The following ZNF76 variants were observed in gnomAD, a reference collection of about 807,000 sequenced individuals.
The protein encoded by ZNF76 is zinc finger protein 523.
A neutral mutation model predicts 66.9 loss-of-function variants in ZNF76; 66 were observed. The observed-to-expected ratio is 0.99, with a 90% CI of 0.81 to 1.21. The LOEUF (loss-of-function observed/expected upper bound fraction) is 1.21, where lower values mean the gene tolerates loss of function less well. ZNF76 is among the 50% of genes most tolerant of loss of function. The pLI is 0.00. For synonymous variants in ZNF76, 275 were observed against 296.1 expected (o/e 0.93, Z 0.73); for missense variants, 729 against 760.3 (o/e 0.96, Z 0.48).
In ZNF76 at chr6:35,292,419, A is replaced by G. The variant is rs1432602442; in HGVS notation, c.932-135A>G. 1.3e-5 allele frequency: 11 copies of G among 850,740 alleles called. No homozygotes were observed. Among genetic ancestry groups the G allele is most frequent in the South Asian group, 1.6e-5 (1 of 61,868 alleles). 52.7% of individuals were successfully genotyped at this position (850,740 alleles called of 1,614,324 possible). On this transcript the variant is annotated intron_variant, in intron 9 of 13. Coordinates refer to ENST00000373953, the MANE Select transcript of ZNF76 (RefSeq NM_003427.5). The surrounding 1 kb of genome is among the most constrained non-coding windows in gnomAD (Gnocchi z 4.7). Reference sequence around the variant, plus strand: ...CTGGCCATCTTCCCCAACCCTGTCCATTCAGAGTCTCAGGTCTCAGTCCCT... The same window carrying G: ...CTGGCCATCTTCCCCAACCCTGTCCGTTCAGAGTCTCAGGTCTCAGTCCCT...
At chr6:35,260,111 C>T (rs556279094) in intron 1 of ZNF76, among the ~76,000 whole-genome samples, 52 of 152,220 alleles carry the variant, frequency 3.4e-4, no homozygotes, top group Non-Finnish European at 6.3e-4. Context: ...ACCCACTGAC[C>T]CCAAGACCTC....
chr6:35,266,893 C>T (rs1371520460), intron 1 of ZNF76, among the ~76,000 whole-genome samples: 54 of 149,146 alleles, frequency 3.6e-4, no homozygotes, highest in Middle Eastern at 3.5e-3. Flanking sequence ...CTCTGCCTCC[C>T]GGGTTCACGC....
chr6:35,281,096 T>A lies in ZNF76; in HGVS notation c.-56T>A. The A allele has an allele frequency of 6.5e-7, 1 of 1,549,644 alleles. No individual in the cohort carries two copies. Among genetic ancestry groups the A allele is most frequent in the African/African-American group, 1.4e-5 (1 of 73,690 alleles). ...GGAAATCTCTGACCTCAGCTGTGGC[T>A]CTTGGTGCTGGCCAGAAGCCAACTT... On this transcript the variant is annotated 5_prime_UTR_variant, in exon 2 of 14. Transcript: ENST00000373953.
intron 1 of ZNF76, among the ~76,000 whole-genome samples, chr6:35,270,849 G>A (rs6941471): frequency 0.68 from 102,578 of 151,858 alleles, 37,795 homozygotes; most frequent in Non-Finnish European, 0.82. Context: ...GAGCCACTGC[G>A]CCCAGCCCAC....
In ZNF76 at chr6:35,286,385, A is replaced by G; in HGVS notation, c.218A>G (p.His73Arg). 2 of 1,614,118 alleles carry G rather than the reference A, an allele frequency of 1.2e-6. No individual in the cohort carries two copies. The highest frequency in any genetic ancestry group is 1.7e-6 in the Non-Finnish European group (2 of 1,180,034). Residue 73 changes from histidine (H) to arginine (R), a missense_variant, in exon 4 of 14, where the codon CAC (histidine) becomes CGC (arginine). By Grantham distance (29) the His-to-Arg change is conservative. Coordinates refer to ENST00000373953, the MANE Select transcript of ZNF76 (RefSeq NM_003427.5). ...QLEDGSMAYI[H>R]RTPREGYDPS... ...GAAGATGGCAGCATGGCTTACATAC[A>G]CCGCACACCCAGAGGTAGGGTCACC...
chr6:35,264,798 C>G (rs890755786), intron 1 of ZNF76, among the ~76,000 whole-genome samples: 1 of 152,076 alleles, frequency 6.6e-6, no homozygotes, highest in Non-Finnish European at 1.5e-5. Context: ...AATTCTGTAC[C>G]TAGTGGCCTG....
In ZNF76 at chr6:35,291,966, C is replaced by T. The variant is rs1790460280; in HGVS notation, c.931+229C>T. On this transcript the variant is annotated intron_variant, in intron 9 of 13. Coordinates refer to ENST00000373953, the MANE Select transcript of ZNF76 (RefSeq NM_003427.5). ...AGGTATTGCCAGTCCTCTCTGGGGT[C>T]CCTCAGCTCCCTACCACCCCTCTAC... is the stretch of plus-strand genomic sequence containing the variant. The T allele has an allele frequency of 1.7e-5, 10 of 590,514 alleles. No homozygotes were observed. The South Asian group carries it at 1.8e-4, about 11-fold the overall frequency. The allele number at this position is 590,514 out of a possible 1,614,324, so 36.6% of individuals were successfully genotyped here.
In ZNF76 at chr6:35,292,205, C is replaced by T. The variant is rs895428247; in HGVS notation, c.932-349C>T. On this transcript the variant is annotated intron_variant, in intron 9 of 13. Coordinates refer to ENST00000373953, the MANE Select transcript of ZNF76 (RefSeq NM_003427.5). The surrounding 1 kb of genome is among the most constrained non-coding windows in gnomAD (Gnocchi z 4.7). ...GTGTGTCCCCTCTTTCCCATCACAA[C>T]TGATACTTCAGTCATCCTTGCCTCT... is the stretch of plus-strand genomic sequence containing the variant. 2.8e-5 allele frequency: 12 copies of T among 432,854 alleles called. No individual in the cohort carries two copies. Among genetic ancestry groups the T allele is most frequent in the African/African-American group, 2.4e-4 (12 of 50,050 alleles). 26.8% of individuals were successfully genotyped at this position (432,854 alleles called of 1,614,324 possible).
chr6:35,294,029 A>G (rs186495780), intron 12 of ZNF76, 114 bp downstream of exon 12: 16 of 1,295,794 alleles, frequency 1.2e-5, no homozygotes, highest in Non-Finnish European at 1.7e-5. Context: ...AAGATTCCCC[A>G]CAAAAGAAGG....
chr6:35,269,465 C>T (rs1001316410), intron 1 of ZNF76, among the ~76,000 whole-genome samples: 2 of 151,934 alleles, frequency 1.3e-5, no homozygotes, highest in African/African-American at 2.4e-5. Flanking sequence ...TAGAGCTGGC[C>T]CTCTGGTGAA....
intron 1 of ZNF76, among the ~76,000 whole-genome samples, chr6:35,278,314 A>T (rs1013724270): frequency 2.0e-5 from 3 of 152,132 alleles, no homozygotes; most frequent in Non-Finnish European, 4.4e-5. Context: ...GATTACAGGC[A>T]TGTGCCACCA....
intron 1 of ZNF76, among the ~76,000 whole-genome samples, chr6:35,275,334 G>A (rs1371117178): frequency 6.6e-6 from 1 of 151,812 alleles, no homozygotes; most frequent in African/African-American, 2.4e-5. Context: ...CCTACAAGGA[G>A]AAAACAGAGC....
chr6:35,293,371 ATGGGGTCTGAAAGCC>A (rs1227418997), intron 11 of ZNF76, among the ~76,000 whole-genome samples: 1 of 152,172 alleles, frequency 6.6e-6, no homozygotes, highest in Non-Finnish European at 1.5e-5. Context: ...AGAACATGGT[ATGGGGTCTGAAAGCC>A]TGGGGTCTGG....
chr6:35,287,446 G>T lies in ZNF76; in HGVS notation c.233-200G>T, dbSNP rs1789724542. 1.3e-5 allele frequency among the ~76,000 whole-genome samples: 2 copies of T among 152,152 alleles called. No homozygotes were observed. Among genetic ancestry groups the T allele is most frequent in the Non-Finnish European group, 2.9e-5 (2 of 68,020 alleles). Reference sequence around the variant, plus strand: ...AGGAGCTTGTGAGTTCCCATTTAGTGTACCATAGGAGACCTCATCCTTAGG... The same window carrying T: ...AGGAGCTTGTGAGTTCCCATTTAGTTTACCATAGGAGACCTCATCCTTAGG... On this transcript the variant is annotated intron_variant, in intron 4 of 13. Transcript: ENST00000373953. The surrounding 1 kb of genome is among the most constrained non-coding windows in gnomAD (Gnocchi z 4.0).
rs780255093 is a variant in ZNF76 at position 35,287,853 on chromosome 6, C to T, written c.432+8C>T. 84 of 1,577,002 alleles carry T rather than the reference C, an allele frequency of 5.3e-5. No homozygotes were observed. The highest frequency in any genetic ancestry group is 7.1e-5 in the East Asian group (3 of 42,072). On this transcript the variant is annotated splice_region_variant and intron_variant, in intron 5 of 13. Transcript: ENST00000373953. The surrounding 1 kb of genome is among the most constrained non-coding windows in gnomAD (Gnocchi z 4.0). ...GAGCAGTATGCCAGCAAGGTGAGCA[C>T]GCACAGCGTGACACGGTCTGTCACT...
Position 35,293,909 on chromosome 6 carries a change from G to A in ZNF76, c.1488G>A (p.Thr496=), listed in dbSNP as rs145433598. Residue 496 remains threonine, a synonymous_variant, in exon 12 of 14, where the codon ACG becomes ACA. Coordinates refer to ENST00000373953, the MANE Select transcript of ZNF76 (RefSeq NM_003427.5). ...VTMVSADGTQ[T]QPVTIITSGA... Reference sequence around the variant, plus strand: ...TGGTCAGCGCCGATGGCACCCAGACGCAGCCCGTATGACCAGGCGGTTTGC... The same window carrying A: ...TGGTCAGCGCCGATGGCACCCAGACACAGCCCGTATGACCAGGCGGTTTGC... 245 of 1,613,750 alleles carry A rather than the reference G, an allele frequency of 1.5e-4. No homozygotes were observed. Among genetic ancestry groups the A allele is most frequent in the Middle Eastern group, 3.3e-4 (2 of 6,084 alleles).
chr6:35,286,802 G>A (rs1789631216), intron 4 of ZNF76: 2 of 286,226 alleles, frequency 7.0e-6, no homozygotes, highest in Admixed American at 9.3e-5. Flanking sequence ...TTGAGTGACT[G>A]TTGCATGCCT....
intron 1 of ZNF76, among the ~76,000 whole-genome samples, chr6:35,269,825 C>T (rs1786738100): frequency 6.6e-6 from 1 of 152,248 alleles, no homozygotes; most frequent in African/African-American, 2.4e-5. Flanking sequence ...AGGCTGGGGA[C>T]ACACATGTTG....
At position 35,286,190 on chromosome 6, in the gene ZNF76, C is replaced by T. The variant is rs1562118314; in HGVS notation, c.136C>T (p.Gln46Ter). The T allele has an allele frequency of 1.2e-6, 2 of 1,614,190 alleles. No individual in the cohort carries two copies. Among genetic ancestry groups the T allele is most frequent in the South Asian group, 2.2e-5 (2 of 91,076 alleles). The change falls in exon 3 of 14, where the codon CAG (glutamine) becomes TAG (stop). Residue 46 changes from glutamine to a stop codon, truncating the protein, a stop_gained. Transcript: ENST00000373953. LOFTEE classifies it high-confidence loss of function. ...LEDGTTAYIH[Q>*]VTVQKEALSF... ...GGATGGGACCACCGCATACATTCACCAGGTGACGGTACAGAAAGGTGAGGG... is the reference window on the plus strand; with the variant it reads ...GGATGGGACCACCGCATACATTCACTAGGTGACGGTACAGAAAGGTGAGGG...
Sources: allele counts gnomAD v4.1 joint callset (sites outside exome capture counted in the v4.1 genomes callset), GRCh38; gene constraint gnomAD v4.1.1; non-coding constraint Gnocchi (gnomAD v3.1); transcripts MANE v1.5; gene names NCBI Gene and HGNC (gene_info 2026-07-23, HGNC 2026-07-21).